CFAP47: variants seen among roughly 807,000 people sequenced by gnomAD.
The protein encoded by CFAP47 is cilia and flagella associated protein 47, also known as cilia- and flagella-associated protein 47.
CFAP47 carries 29 observed loss-of-function variants against 148.1 expected under a neutral mutation model. The ratio of observed to expected loss-of-function variants is 0.20; its 90% CI spans 0.15 to 0.27. CFAP47 has a LOEUF of 0.27. Ranked by LOEUF, CFAP47 falls within the 10% of genes least tolerant of loss-of-function variation. CFAP47 has a pLI of 1.00. For missense variants in CFAP47, 1,872 were observed against 1,697.5 expected, an observed-to-expected ratio of 1.10 and a Z score of -1.81; for synonymous variants, 664 against 577.3, an observed-to-expected ratio of 1.15 and a Z score of -2.15.
intron 51 of CFAP47, among the ~76,000 whole-genome samples, chrX:36,291,720 A>G (rs150589197): frequency 2.6e-4 from 29 of 111,227 alleles, no homozygotes; most frequent in African/African-American, 8.8e-4. Context: ...ATTATGTGTA[A>G]TGTATCTAAG....
chrX:36,351,988 A>G lies in CFAP47; in HGVS notation c.8699-1541A>G, dbSNP rs1236952024. ...TTCTTTTCTTTTTTATGTATCTGTC[A>G]CTCGAGTTATTCTCAAACCCAGGAT... On this transcript the variant is annotated intron_variant, in intron 59 of 63. Coordinates refer to ENST00000378653, the MANE Select transcript of CFAP47 (RefSeq NM_001304548.2). 2.7e-5 allele frequency among the ~76,000 whole-genome samples: 3 copies of G among 111,291 alleles called. No homozygotes were observed. In the South Asian group the frequency reaches 1.1e-3, roughly 41 times the overall value.
chrX:35,936,082 G>A (rs1372888899), intron 2 of CFAP47, among the ~76,000 whole-genome samples: 2 of 111,671 alleles, frequency 1.8e-5, no homozygotes, highest in Admixed American at 1.9e-4. Context: ...GCCATTATTT[G>A]CATTTAACTA....
intron 25 of CFAP47, among the ~76,000 whole-genome samples, chrX:36,045,464 C>G (rs1382048762): frequency 3.6e-5 from 4 of 111,519 alleles, no homozygotes; most frequent in Non-Finnish European, 7.5e-5. Context: ...CAGAGGGTCA[C>G]CCAAGGCCCT....
chrX:36,371,736 A>G (rs1339179129), intron 62 of CFAP47, among the ~76,000 whole-genome samples: 1 of 58,638 alleles, frequency 1.7e-5, no homozygotes, highest in Non-Finnish European at 3.0e-5. Flanking sequence ...ACATGTGTGT[A>G]TATATGTGTG....
At chrX:36,167,510 A>G (rs1231349976) in intron 39 of CFAP47, among the ~76,000 whole-genome samples, 1 of 111,506 alleles carries the variant, frequency 9.0e-6, no homozygotes, top group Non-Finnish European at 1.9e-5. Flanking sequence ...CAGTATTTTC[A>G]GCAGTGCCAC....
chrX:36,307,168 G>A (rs1212338119), intron 55 of CFAP47, among the ~76,000 whole-genome samples: 1 of 111,109 alleles, frequency 9.0e-6, no homozygotes, highest in Non-Finnish European at 1.9e-5. Context: ...TTAATTTTCT[G>A]ACTTGAGTTT....
At chrX:36,065,300 A>G (rs1937627188) in intron 26 of CFAP47, among the ~76,000 whole-genome samples, 1 of 111,114 alleles carries the variant, frequency 9.0e-6, no homozygotes, top group Non-Finnish European at 1.9e-5. Context: ...ATCCAAGGCT[A>G]CATACCATTT....
chrX:36,071,946 A>G lies in CFAP47; in HGVS notation c.4440A>G (p.Glu1480=). The G allele has an allele frequency of 8.3e-7, 1 of 1,205,586 alleles. No homozygotes were observed. The highest frequency in any genetic ancestry group is 1.1e-6 in the Non-Finnish European group (1 of 892,863). Residue 1480 remains glutamate, a synonymous_variant, in exon 28 of 64, where the codon GAA becomes GAG. Transcript: ENST00000378653. ...CCACTAGCAAATTCAATGATGCTGAACCTGCAAAGGGAAACTTATTTATTG... is the reference window on the plus strand; with the variant it reads ...CCACTAGCAAATTCAATGATGCTGAGCCTGCAAAGGGAAACTTATTTATTG... ...TYTTSKFNDA[E]PAKGNLFIGV...
intron 37 of CFAP47, among the ~76,000 whole-genome samples, chrX:36,155,832 A>G (rs2146846371): frequency 9.0e-6 from 1 of 111,465 alleles, no homozygotes; most frequent in Non-Finnish European, 1.9e-5. Context: ...AATTTGGAGT[A>G]CTGGTGACTC....
intron 33 of CFAP47, among the ~76,000 whole-genome samples, chrX:36,112,174 A>G (rs1938566117): frequency 9.0e-6 from 1 of 111,419 alleles, no homozygotes; most frequent in Non-Finnish European, 1.9e-5. Flanking sequence ...TTGACTCTCT[A>G]GTACTTTTAA....
intron 1 of CFAP47, among the ~76,000 whole-genome samples, chrX:35,923,978 T>C (rs1176745912): frequency 9.7e-6 from 1 of 103,037 alleles, no homozygotes; most frequent in Non-Finnish European, 1.9e-5. Context: ...TGTATGTATG[T>C]GTATATATGT....
intron 60 of CFAP47, among the ~76,000 whole-genome samples, chrX:36,357,602 A>G (rs1195904008): frequency 8.9e-6 from 1 of 112,103 alleles, no homozygotes; most frequent in Non-Finnish European, 1.9e-5. Flanking sequence ...AAATCTATGC[A>G]CCTGTACTAT....
intron 24 of CFAP47, among the ~76,000 whole-genome samples, chrX:36,037,382 A>T (rs868758080): frequency 9.8e-6 from 1 of 102,071 alleles, no homozygotes; most frequent in African/African-American, 3.9e-5. Flanking sequence ...TTGTTGTTGG[A>T]GATGGAGTCT....
chrX:36,280,449 C>T, intron 49 of CFAP47, 38 bp from the exon 50 acceptor site: 1 of 447,471 alleles, frequency 2.2e-6, no homozygotes, highest in Non-Finnish European at 4.0e-6. Flanking sequence ...GAAAACTAAA[C>T]CCTGATTAAT....
At chrX:36,199,145 C>T (rs1939949413) in intron 42 of CFAP47, among the ~76,000 whole-genome samples, 2 of 111,780 alleles carry the variant, frequency 1.8e-5, no homozygotes, top group South Asian at 7.4e-4. Flanking sequence ...TTTTAAGATT[C>T]TTTGAATCAG....
At chrX:36,059,927 T>C (rs1354970810) in intron 26 of CFAP47, among the ~76,000 whole-genome samples, 1 of 111,148 alleles carries the variant, frequency 9.0e-6, no homozygotes, top group African/African-American at 3.3e-5. Flanking sequence ...ATAGTTCCCA[T>C]GTGAGCTGAT....
At chrX:36,078,227 TG>T (rs1420793340) in intron 29 of CFAP47, among the ~76,000 whole-genome samples, 3 of 110,645 alleles carry the variant, frequency 2.7e-5, no homozygotes, top group Non-Finnish European at 5.7e-5. Context: ...GTCTGCTTGG[TG>T]CAGAGCTGAG....
Position 35,960,380 on chromosome X carries a change from G to GAAA in CFAP47, c.1410+4209_1410+4211dup, listed in dbSNP as rs1188987905. Among the ~76,000 whole-genome samples the GAAA allele has an allele frequency of 8.4e-4, 13 of 15,482 alleles. 1 individual carries two copies. The highest frequency in any genetic ancestry group is 3.2e-3 in the Admixed American group (3 of 934). The allele number at this position is 15,482 out of a possible 115,157, so 13.4% of individuals were successfully genotyped here. A position where few individuals can be genotyped will look rare whatever the true frequency, so the allele number is the denominator to read the frequency against. ...CTTTAACATTAGCTTGCTAATTTCT[G>GAAA]AAAAAAAAAAAAAAAAAAAAAAAAA... On this transcript the variant is annotated intron_variant, in intron 8 of 63. Coordinates refer to ENST00000378653, the MANE Select transcript of CFAP47 (RefSeq NM_001304548.2).
chrX:36,180,674 A>G (rs935874195), intron 40 of CFAP47, among the ~76,000 whole-genome samples: 2 of 112,348 alleles, frequency 1.8e-5, no homozygotes, highest in Non-Finnish European at 3.8e-5. Flanking sequence ...AGTTGCATCT[A>G]TTATGAGATG....
Sources: allele counts gnomAD v4.1 joint callset (sites outside exome capture counted in the v4.1 genomes callset), GRCh38; gene constraint gnomAD v4.1.1; transcripts MANE v1.5; gene names NCBI Gene and HGNC (gene_info 2026-07-23, HGNC 2026-07-21).